The following CDH13 variants were observed in gnomAD, a reference collection of about 807,000 sequenced individuals.
The protein encoded by CDH13 is cadherin-13.
Under a neutral mutation model 63.8 loss-of-function variants are expected in CDH13, and 24 were observed. The ratio of observed to expected loss-of-function variants is 0.38; its 90% CI spans 0.27 to 0.53. The LOEUF is 0.53. Among genes scored for constraint, CDH13 ranks in the 20% least tolerant of loss-of-function variants. The pLI, the probability that CDH13 is intolerant of heterozygous loss-of-function variation, is 0.85. For synonymous variants in CDH13, 503 were observed against 355.3 expected (o/e 1.42, Z -4.67); for missense variants, 1,049 against 903.1 (o/e 1.16, Z -2.07).
At chr16:82,676,753 C>G (rs1913958513) in intron 1 of CDH13, among the ~76,000 whole-genome samples, 2 of 152,158 alleles carry the variant, frequency 1.3e-5, no homozygotes, top group Admixed American at 6.5e-5. Flanking sequence ...AGACCAGCCC[C>G]TCCATTCTCC....
chr16:82,905,323 G>C (rs2151252423), intron 2 of CDH13, among the ~76,000 whole-genome samples: 1 of 152,238 alleles, frequency 6.6e-6, no homozygotes, highest in South Asian at 2.1e-4. Context: ...AGATATTTAT[G>C]AGTAAAACAT....
intron 8 of CDH13, among the ~76,000 whole-genome samples, chr16:83,604,899 G>A (rs959371201): frequency 1.3e-5 from 2 of 152,172 alleles, no homozygotes; most frequent in East Asian, 3.8e-4. Context: ...TTGCTCAGTT[G>A]TGGACTAAAC....
chr16:83,523,221 C>T (rs2074881219), intron 7 of CDH13, among the ~76,000 whole-genome samples: 1 of 152,158 alleles, frequency 6.6e-6, no homozygotes, highest in Non-Finnish European at 1.5e-5. Flanking sequence ...CTATGGCGTC[C>T]ACCCTGTAGC....
At chr16:83,653,606 G>C (rs1039539688) in intron 8 of CDH13, among the ~76,000 whole-genome samples, 1 of 152,120 alleles carries the variant, frequency 6.6e-6, no homozygotes, top group East Asian at 1.9e-4. Flanking sequence ...GCATAGTTCT[G>C]GTACTTAGGT....
chr16:83,037,659 A>T (rs1916983949), intron 3 of CDH13, among the ~76,000 whole-genome samples: 1 of 152,120 alleles, frequency 6.6e-6, no homozygotes, highest in Non-Finnish European at 1.5e-5. Context: ...CTTTATAGAG[A>T]TGTCCAGGAG....
chr16:82,732,996 T>A (rs1024815263), intron 1 of CDH13, among the ~76,000 whole-genome samples: 4 of 152,180 alleles, frequency 2.6e-5, no homozygotes, highest in African/African-American at 7.2e-5. Context: ...TCCATTTGTT[T>A]TTCTGCTTTC....
intron 4 of CDH13, among the ~76,000 whole-genome samples, chr16:83,153,382 TAGG>T (rs1308715137): frequency 6.6e-6 from 1 of 152,070 alleles, no homozygotes; most frequent in Admixed American, 6.6e-5. Context: ...ACAATGACCT[TAGG>T]AGCAGTTTAG....
At chr16:83,181,320 C>G (rs928987050) in intron 4 of CDH13, among the ~76,000 whole-genome samples, 4 of 152,172 alleles carry the variant, frequency 2.6e-5, no homozygotes, top group Admixed American at 1.3e-4. Context: ...CATCCTCACC[C>G]TCACATTTGG....
At chr16:83,187,676 A>C (rs989453868) in intron 4 of CDH13, among the ~76,000 whole-genome samples, 1 of 152,188 alleles carries the variant, frequency 6.6e-6, no homozygotes, top group African/African-American at 2.4e-5. Context: ...CTCCAGCTAC[A>C]TGATGAGGAC....
chr16:83,095,617 A>G (rs2034155336), intron 3 of CDH13, among the ~76,000 whole-genome samples: 1 of 152,224 alleles, frequency 6.6e-6, no homozygotes, highest in African/African-American at 2.4e-5. Context: ...ACACCTCGCC[A>G]AAATCCTTGG....
chr16:83,213,954 G>T (rs774137303), intron 4 of CDH13, among the ~76,000 whole-genome samples: 8 of 152,086 alleles, frequency 5.3e-5, no homozygotes, highest in Non-Finnish European at 1.2e-4. Context: ...CTCGCTAGAG[G>T]TTTGTAAAAT....
At chr16:83,761,420 G>A (rs1230873310) in intron 11 of CDH13, among the ~76,000 whole-genome samples, 1 of 152,186 alleles carries the variant, frequency 6.6e-6, no homozygotes, top group Non-Finnish European at 1.5e-5. Context: ...AAGAACAATT[G>A]GTGAATTGGG....
chr16:82,963,441 C>G (rs186276496), intron 2 of CDH13, among the ~76,000 whole-genome samples: 3 of 152,210 alleles, frequency 2.0e-5, no homozygotes, highest in African/African-American at 7.2e-5. Context: ...TTCTCAATAC[C>G]TCTTACATGA....
intron 7 of CDH13, among the ~76,000 whole-genome samples, chr16:83,571,430 A>G (rs1054221826): frequency 6.6e-6 from 1 of 152,212 alleles, no homozygotes; most frequent in African/African-American, 2.4e-5. Context: ...TGGCCCTTAA[A>G]GCAATAAGAT....
intron 6 of CDH13, among the ~76,000 whole-genome samples, chr16:83,387,708 T>C (rs1473896771): frequency 2.0e-5 from 3 of 152,216 alleles, no homozygotes; most frequent in Non-Finnish European, 4.4e-5. Context: ...AATGTCTGCC[T>C]TATGAATGGC....
intron 2 of CDH13, among the ~76,000 whole-genome samples, chr16:82,879,791 A>C (rs1473284779): frequency 7.3e-6 from 1 of 137,316 alleles, no homozygotes; most frequent in Non-Finnish European, 1.5e-5. Flanking sequence ...TAAGTATATA[A>C]AATATGAATA....
chr16:83,683,730 C>A (rs923758071), intron 10 of CDH13, among the ~76,000 whole-genome samples: 1 of 152,100 alleles, frequency 6.6e-6, no homozygotes, highest in African/African-American at 2.4e-5. Flanking sequence ...GAAGACAAGT[C>A]CCTGAAAATA....
chr16:82,679,388 A>G (rs907119187), intron 1 of CDH13, among the ~76,000 whole-genome samples: 3 of 152,222 alleles, frequency 2.0e-5, no homozygotes, highest in African/African-American at 7.2e-5. Flanking sequence ...ACTGTCCAAC[A>G]TAATCTAGTT....
chr16:83,546,889 A>G (rs2075396422), intron 7 of CDH13, among the ~76,000 whole-genome samples: 2 of 152,250 alleles, frequency 1.3e-5, no homozygotes, highest in Admixed American at 6.5e-5. Context: ...CATCTGGCAC[A>G]CAGTAGGTAC....
Sources: allele counts gnomAD v4.1 joint callset (sites outside exome capture counted in the v4.1 genomes callset), GRCh38; gene constraint gnomAD v4.1.1; transcripts MANE v1.5; gene names NCBI Gene and HGNC (gene_info 2026-07-23, HGNC 2026-07-21).